FH: variants seen among roughly 807,000 people sequenced by gnomAD.
FH encodes the protein fumarate hydratase, also known as fumarate hydratase, mitochondrial.
Under a neutral mutation model 49.4 loss-of-function variants are expected in FH, and 22 were observed. The ratio of observed to expected loss-of-function variants is 0.45; its 90% CI spans 0.32 to 0.64. The LOEUF (loss-of-function observed/expected upper bound fraction) is 0.64. Ranked by LOEUF, FH falls within the 30% of genes least tolerant of loss-of-function variation. The pLI, the probability that FH is intolerant of heterozygous loss-of-function variation, is 0.05. For missense variants in FH, 526 were observed against 641.5 expected, an observed-to-expected ratio of 0.82 and a Z score of 1.95; for synonymous variants, 208 against 223.0, an observed-to-expected ratio of 0.93 and a Z score of 0.60.
Position 241,500,602 on chromosome 1 carries a change from TGAGAGA to T in FH, c.1237-18_1237-13del, listed in dbSNP as rs144131869. ...AACACATTTTTAATCTTTGAGTGAG[TGAGAGA>T]GAGAGAGAGAGAGAGAGAGAGAGAG... On this transcript the variant is annotated splice_polypyrimidine_tract_variant and intron_variant, in intron 8 of 9. Coordinates refer to ENST00000366560, the MANE Select transcript of FH (RefSeq NM_000143.4). 1.0e-3 allele frequency: 1,506 copies of T among 1,490,262 alleles called. 1 individual carries two copies. The highest frequency in any genetic ancestry group is 3.7e-3 in the African/African-American group (245 of 66,228). The allele number at this position is 1,490,262 out of a possible 1,614,324, so 92.3% of individuals were successfully genotyped here.
chr1:241,509,273 T>C (rs181786965), intron 4 of FH, among the ~76,000 whole-genome samples: 2 of 152,180 alleles, frequency 1.3e-5, no homozygotes, highest in Non-Finnish European at 2.9e-5. Context: ...ATCTTACAAT[T>C]ATACAGTGCA....
intron 4 of FH, 40 bp downstream of exon 4, chr1:241,511,927 T>C: frequency 6.2e-7 from 1 of 1,602,270 alleles, no homozygotes; most frequent in Non-Finnish European, 8.5e-7. Flanking sequence ...GGTATGCTTT[T>C]CAATTTATAA....
At chr1:241,501,399 T>C (rs1004791335) in intron 8 of FH, among the ~76,000 whole-genome samples, 18 of 152,216 alleles carry the variant, frequency 1.2e-4, no homozygotes, top group African/African-American at 4.1e-4. Context: ...AAGGCATTTA[T>C]TGTTATGCAC....
chr1:241,513,902 T>C (rs1029300561), intron 2 of FH, among the ~76,000 whole-genome samples, 189 bp from the exon 3 acceptor site: 1 of 152,196 alleles, frequency 6.6e-6, no homozygotes, highest in Non-Finnish European at 1.5e-5. Flanking sequence ...AACATTATCA[T>C]AGATCTATTT....
intron 4 of FH, among the ~76,000 whole-genome samples, chr1:241,509,286 C>G (rs12062672): frequency 0.024 from 3,698 of 152,054 alleles, 109 homozygotes; most frequent in East Asian, 0.093. Context: ...ACAGTGCATA[C>G]AGTCTTTCAT....
chr1:241,513,481 C>G, intron 3 of FH, 122 bp downstream of exon 3: 1 of 815,892 alleles, frequency 1.2e-6, no homozygotes, highest in South Asian at 1.4e-5. Context: ...TGCTACCACC[C>G]TCCCCTGAAA....
intron 9 of FH, 72 bp downstream of exon 9, chr1:241,500,365 C>T (rs1659738600): frequency 6.8e-7 from 1 of 1,461,792 alleles, no homozygotes; most frequent in South Asian, 1.1e-5. Flanking sequence ...CACTGATCCA[C>T]TTGTCTCTTA....
chr1:241,514,459 G>GA (rs1660167182), intron 2 of FH, among the ~76,000 whole-genome samples: 1 of 152,136 alleles, frequency 6.6e-6, no homozygotes, highest in African/African-American at 2.4e-5. Context: ...AAACTGAAAT[G>GA]AAAACCTAGT....
chr1:241,501,250 C>A (rs908789183), intron 8 of FH, among the ~76,000 whole-genome samples: 4 of 152,242 alleles, frequency 2.6e-5, no homozygotes, highest in African/African-American at 9.6e-5. Flanking sequence ...GTCTAAAACT[C>A]CGGTCTGAAA....
At chr1:241,517,035 A>T in intron 2 of FH, 147 bp downstream of exon 2, 1 of 897,260 alleles carries the variant, frequency 1.1e-6, no homozygotes. Flanking sequence ...TTAACATTTT[A>T]GTGAAAGAGA....
At position 241,519,691 on chromosome 1, in the gene FH, G is replaced by C. The variant is rs1226883651; in HGVS notation, c.32C>G (p.Ser11Trp). The change falls in exon 1 of 10, where the codon TCG becomes TGG. Residue 11 changes from serine to tryptophan, a missense_variant. By Grantham distance (177) the Ser-to-Trp change is radical. This residue lies in a region of FH where 143 missense variants were observed against 127.5 expected (regional missense o/e 1.12). Transcript: ENST00000366560. MYRALRLLAR[S>W]RPLVRAPAAA... ...GGCTGGAGCCCGCACGAGGGGACGC[G>C]AGCGCGCGAGGAGCCGAAGTGCTCG... 1.9e-6 allele frequency: 3 copies of C among 1,546,862 alleles called. No homozygotes were observed. Among genetic ancestry groups the C allele is most frequent in the African/African-American group, 1.4e-5 (1 of 72,840 alleles).
chr1:241,517,426 G>A, intron 1 of FH, 110 bp from the exon 2 acceptor site: 5 of 1,196,148 alleles, frequency 4.2e-6, no homozygotes, highest in African/African-American at 1.5e-5. Flanking sequence ...GTATCACAAA[G>A]ACAAAAAAAT....
rs1573886484 is a variant in FH at position 241,513,687 on chromosome 1, G to C, written c.294C>G (p.Ile98Met). 1.9e-6 allele frequency: 3 copies of C among 1,613,954 alleles called. No homozygotes were observed. Among genetic ancestry groups the C allele is most frequent in the African/African-American group, 2.7e-5 (2 of 74,912 alleles). The change falls in exon 3 of 10, where the codon ATC becomes ATG. Residue 98 changes from isoleucine to methionine, a missense_variant. Physicochemically the swap from Ile to Met is conservative, Grantham distance 10. This residue lies in a region of FH where 383 missense variants were observed against 514.0 expected (regional missense o/e 0.75). Coordinates refer to ENST00000366560, the MANE Select transcript of FH (RefSeq NM_000143.4). ...TTACTTCAGCGGCCGCTCGCTTCAA[G>C]ATGCCAAAAGCTTTAATAACTGGGG... Reference protein sequence around the residue: ...MPTPVIKAFGILKRAAAEVNQ... With the variant: ...MPTPVIKAFGMLKRAAAEVNQ...
chr1:241,501,848 G>T (rs983211395), intron 8 of FH, among the ~76,000 whole-genome samples: 7 of 152,200 alleles, frequency 4.6e-5, no homozygotes, highest in African/African-American at 1.7e-4. Context: ...GAAAGAAAAA[G>T]AACGGTTTGG....
chr1:241,505,949 C>T lies in FH; in HGVS notation c.904+54G>A, dbSNP rs12065955. 13,748 of 1,517,622 alleles carry T rather than the reference C, an allele frequency of 9.1e-3. 423 individuals are homozygous for T. The East Asian group carries it at 0.096, about 11-fold the overall frequency. The allele number at this position is 1,517,622 out of a possible 1,614,324, so 94.0% of individuals were successfully genotyped here. A position where few individuals can be genotyped will look rare whatever the true frequency, so the allele number is the denominator to read the frequency against. On this transcript the variant is annotated intron_variant, in intron 6 of 9. Transcript: ENST00000366560. ...AAGACAGGAACACTCAGAAAATGTA[C>T]AGACCACGTATAATGAGAAATGAAA...
intron 9 of FH, among the ~76,000 whole-genome samples, chr1:241,498,694 CATATATATATATAT>C (rs56361117): frequency 0.27 from 14,191 of 53,148 alleles, 2,572 homozygotes; most frequent in Non-Finnish European, 0.35. Context: ...GCTGTCTTAA[CATATATATATATAT>C]ATATATATAT....
intron 4 of FH, among the ~76,000 whole-genome samples, chr1:241,509,393 A>T (rs1173782441): frequency 6.6e-6 from 1 of 152,200 alleles, no homozygotes; most frequent in Non-Finnish European, 1.5e-5. Context: ...ATAAATGCCA[A>T]AATATTTAGC....
At chr1:241,502,355 G>T in intron 8 of FH, 88 bp downstream of exon 8, 1 of 1,488,436 alleles carries the variant, frequency 6.7e-7, no homozygotes, top group Non-Finnish European at 9.3e-7. Flanking sequence ...ACTACCCAAT[G>T]TGGAATCACT....
At position 241,504,169 on chromosome 1, in the gene FH, G is replaced by A. The variant is rs1060504078; in HGVS notation, c.981C>T (p.Ala327=). ...AHDALVELSG[A]MNTTACSLMK... The stretch of plus-strand genomic sequence containing the variant: ...TCAGACTGCAGGCAGTAGTGTTCAT[G>A]GCTCCACTGAGCTCAACCAGAGCGT... The change falls in exon 7 of 10, where the codon GCC becomes GCT. Residue 327 remains alanine, a synonymous_variant. Coordinates refer to ENST00000366560, the MANE Select transcript of FH (RefSeq NM_000143.4). 6.2e-7 allele frequency: 1 copy of A among 1,614,164 alleles called. No individual in the cohort carries two copies. Among genetic ancestry groups the A allele is most frequent in the Non-Finnish European group, 8.5e-7 (1 of 1,180,010 alleles).
Sources: allele counts gnomAD v4.1 joint callset (sites outside exome capture counted in the v4.1 genomes callset), GRCh38; gene constraint gnomAD v4.1.1; regional missense constraint gnomAD v4.1.1; transcripts MANE v1.5; gene names NCBI Gene and HGNC (gene_info 2026-07-23, HGNC 2026-07-21).